The following JAKMIP3 variants were observed in gnomAD, a reference collection of about 807,000 sequenced individuals.
The protein encoded by JAKMIP3 is janus kinase and microtubule-interacting protein 3.
Under a neutral mutation model 118.5 loss-of-function variants are expected in JAKMIP3, and 58 were observed. That is an observed-to-expected ratio of 0.49 (90% confidence interval 0.40 to 0.61). The LOEUF is 0.61. JAKMIP3 is among the 20% of genes least tolerant of loss of function. The probability of loss-of-function intolerance (pLI) is 0.00; values close to 1 mark genes in which losing one functional copy is unlikely to be tolerated. For synonymous variants in JAKMIP3, 486 were observed against 451.2 expected (o/e 1.08, Z -0.98); for missense variants, 950 against 1,109.0 (o/e 0.86, Z 2.04).
intron 3 of JAKMIP3, among the ~76,000 whole-genome samples, chr10:132,132,886 G>A (rs1017316052): frequency 4.6e-5 from 7 of 152,336 alleles, no homozygotes; most frequent in African/African-American, 1.4e-4. Context: ...AAACTTGGCC[G>A]TGGCACCTTC....
rs919977249 is a variant in JAKMIP3, at chr10:132,118,675, C to A, written c.633+1101C>A. 6.6e-6 allele frequency among the ~76,000 whole-genome samples: 1 copy of A among 152,184 alleles called. No individual in the cohort carries two copies. Among genetic ancestry groups the A allele is most frequent in the Non-Finnish European group, 1.5e-5 (1 of 68,038 alleles). ...CTCGCCACAGTGTACACGTGGGTGC[C>A]CCCAAACGTGCCTAACCCGGGTGAT... On this transcript the variant is annotated intron_variant, in intron 3 of 23. Coordinates refer to ENST00000684848, the MANE Select transcript of JAKMIP3 (RefSeq NM_001323087.2). The surrounding 1 kb of genome is among the most constrained non-coding windows in gnomAD (Gnocchi z 4.8).
chr10:132,048,709 G>A (rs1284039573), intron 1 of JAKMIP3, among the ~76,000 whole-genome samples: 1 of 134,858 alleles, frequency 7.4e-6, no homozygotes, highest in Non-Finnish European at 1.5e-5. Flanking sequence ...CTGTCACCCA[G>A]GCTAGAGTGC....
At chr10:132,172,669 G>A (rs1008033652) in intron 23 of JAKMIP3, among the ~76,000 whole-genome samples, 3 of 151,858 alleles carry the variant, frequency 2.0e-5, no homozygotes, top group Admixed American at 6.6e-5. Flanking sequence ...TCACCCAGAC[G>A]CTGCCACGGA....
chr10:132,159,293 G>GGGGCGCCTCTCCCTGTGTGATGCTGA (rs1448004927), intron 19 of JAKMIP3, among the ~76,000 whole-genome samples: 1 of 140,964 alleles, frequency 7.1e-6, no homozygotes. Context: ...TGTGATGCTG[G>GGGGCGCCTCTCCCTGTGTGATGCTGA]GGGCGCCTCT....
At chr10:132,039,589 T>C (rs55662641) in intron 1 of JAKMIP3, among the ~76,000 whole-genome samples, 2,734 of 152,282 alleles carry the variant, frequency 0.018, 80 homozygotes, top group African/African-American at 0.062. Context: ...CTGGCTTCCC[T>C]GGCAGAGGTC....
At chr10:132,136,184 G>C in intron 6 of JAKMIP3, 108 bp downstream of exon 6, 1 of 1,209,596 alleles carries the variant, frequency 8.3e-7, no homozygotes, top group Non-Finnish European at 1.2e-6. Flanking sequence ...CCGGGCGGGT[G>C]GCCAGGCCTT....
intron 23 of JAKMIP3, among the ~76,000 whole-genome samples, chr10:132,180,720 CGTGTGT>C (rs1161680680): frequency 5.9e-5 from 1 of 17,018 alleles, no homozygotes; most frequent in Non-Finnish European, 9.8e-5. Flanking sequence ...CGTGTGTGTG[CGTGTGT>C]GTGCGTGTGT....
chr10:132,177,792 G>A (rs201315476), intron 23 of JAKMIP3, among the ~76,000 whole-genome samples: 13 of 147,990 alleles, frequency 8.8e-5, no homozygotes, highest in South Asian at 4.3e-4. Context: ...GGTAGTGTGC[G>A]TGTGTGTGCA....
At position 132,180,530 on chromosome 10, in the gene JAKMIP3, T is replaced by TGTGTGTGTGTGTGTGTGTGTGCGC. The variant is rs776553583; in HGVS notation, c.*1104-1812_*1104-1811insTGTGTGCGCGTGTGTGTGTGTGTG. On this transcript the variant is annotated intron_variant, in intron 23 of 23. Coordinates refer to ENST00000684848, the MANE Select transcript of JAKMIP3 (RefSeq NM_001323087.2). ...GCAAACCTGGAAGCAGAACTGTGTG[T>TGTGTGTGTGTGTGTGTGTGTGCGC]GTGTGTGTGTGTGTGCGTGCGTGCA... Among the ~76,000 whole-genome samples, 3 of 31,950 alleles carry TGTGTGTGTGTGTGTGTGTGTGCGC rather than the reference T, an allele frequency of 9.4e-5. 1 individual carries two copies. The highest frequency in any genetic ancestry group is 9.6e-4 in the South Asian group (1 of 1,044). The allele number at this position is 31,950 out of a possible 152,430, so 21.0% of individuals were successfully genotyped here.
intron 22 of JAKMIP3, among the ~76,000 whole-genome samples, chr10:132,167,675 G>A (rs768872252): frequency 6.6e-6 from 1 of 152,148 alleles, no homozygotes; most frequent in South Asian, 2.1e-4. Context: ...CCCTTCAGCA[G>A]GTCCCGAGAG....
chr10:132,097,613 C>T (rs1370097939), intron 1 of JAKMIP3, among the ~76,000 whole-genome samples: 1 of 151,974 alleles, frequency 6.6e-6, no homozygotes, highest in Non-Finnish European at 1.5e-5. Context: ...GTGTTCCCAA[C>T]CTTTGTCCCC....
chr10:132,175,499 C>T (rs566252687), intron 23 of JAKMIP3, among the ~76,000 whole-genome samples: 9 of 152,270 alleles, frequency 5.9e-5, no homozygotes, highest in African/African-American at 1.2e-4. Flanking sequence ...TCCCTTGAGC[C>T]GGCAGAGCCA....
intron 2 of JAKMIP3, among the ~76,000 whole-genome samples, chr10:132,115,890 G>A (rs527715462): frequency 1.2e-4 from 19 of 152,354 alleles, no homozygotes; most frequent in Admixed American, 4.6e-4. Context: ...ATTTGGCGAC[G>A]TCATCAATGA....
intron 1 of JAKMIP3, among the ~76,000 whole-genome samples, chr10:132,077,805 C>T (rs1296844903): frequency 6.6e-6 from 1 of 152,144 alleles, no homozygotes; most frequent in Non-Finnish European, 1.5e-5. Context: ...TGCCCGCTAC[C>T]ATGCCCAGCT....
At chr10:132,156,455 G>A (rs2057103562) in intron 19 of JAKMIP3, among the ~76,000 whole-genome samples, 1 of 152,198 alleles carries the variant, frequency 6.6e-6, no homozygotes, top group Non-Finnish European at 1.5e-5. Context: ...CTCCACTGCT[G>A]TGCAGCCACC....
At chr10:132,169,492 C>T (rs2059263672) in intron 23 of JAKMIP3, among the ~76,000 whole-genome samples, 1 of 152,126 alleles carries the variant, frequency 6.6e-6, no homozygotes, top group Non-Finnish European at 1.5e-5. Flanking sequence ...GGAGGGAGGT[C>T]AGGACTCTGG....
At chr10:132,102,356 C>T (rs1455227572) in intron 1 of JAKMIP3, among the ~76,000 whole-genome samples, 2 of 152,160 alleles carry the variant, frequency 1.3e-5, no homozygotes, top group Non-Finnish European at 1.5e-5. Context: ...GCCTCAGCCC[C>T]GTCCATGGGT....
In JAKMIP3 at chr10:132,044,130, G is replaced by A. The variant is rs1223245029; in HGVS notation, c.-138+7392G>A. 6.6e-6 allele frequency among the ~76,000 whole-genome samples: 1 copy of A among 152,228 alleles called. No homozygotes were observed. Among genetic ancestry groups the A allele is most frequent in the East Asian group, 1.9e-4 (1 of 5,192 alleles). On this transcript the variant is annotated intron_variant, in intron 1 of 23. Transcript: ENST00000657785. This position sits in a 1 kb window ranked among gnomAD's most constrained non-coding sequence, Gnocchi z 5.3. ...TGCCGCCTTGATGCTGCTCCCCTGGGACCAGCCCGATGCCTGGTGGGGGGG... is the reference window on the plus strand; with the variant it reads ...TGCCGCCTTGATGCTGCTCCCCTGGAACCAGCCCGATGCCTGGTGGGGGGG...
At chr10:132,037,753 C>T (rs2133739056) in intron 1 of JAKMIP3, among the ~76,000 whole-genome samples, 1 of 152,352 alleles carries the variant, frequency 6.6e-6, no homozygotes, top group African/African-American at 2.4e-5. Context: ...GGCGGGCAGG[C>T]ACCCTGCAGC....
Sources: allele counts gnomAD v4.1 joint callset (sites outside exome capture counted in the v4.1 genomes callset), GRCh38; gene constraint gnomAD v4.1.1; non-coding constraint Gnocchi (gnomAD v3.1); transcripts MANE v1.5; gene names NCBI Gene and HGNC (gene_info 2026-07-23, HGNC 2026-07-21).